ROBO2: variants seen among roughly 807,000 people sequenced by gnomAD.
ROBO2 encodes roundabout guidance receptor 2.
ROBO2 carries 53 observed loss-of-function variants against 160.8 expected under a neutral mutation model. The ratio of observed to expected loss-of-function variants is 0.33; its 90% CI spans 0.26 to 0.41. ROBO2 has a LOEUF of 0.41. ROBO2 is among the 10% of genes least tolerant of loss of function. ROBO2 has a pLI of 1.00. For synonymous variants in ROBO2, 664 were observed against 611.7 expected (o/e 1.09, Z -1.26); for missense variants, 1,577 against 1,722.4 (o/e 0.92, Z 1.49).
chr3:77,608,560 A>G (rs2094568500), intron 21 of ROBO2, among the ~76,000 whole-genome samples: 1 of 152,160 alleles, frequency 6.6e-6, no homozygotes, highest in Non-Finnish European at 1.5e-5. Context: ...ATTCTTTCCC[A>G]AATGTCTCAC....
intron 2 of ROBO2, among the ~76,000 whole-genome samples, chr3:76,950,338 A>G (rs1024783207): frequency 6.6e-6 from 1 of 152,220 alleles, no homozygotes; most frequent in Non-Finnish European, 1.5e-5. Context: ...TTTCTCTAAC[A>G]GAACACGATT....
intron 2 of ROBO2, among the ~76,000 whole-genome samples, chr3:77,432,990 A>C (rs1448166253): frequency 6.6e-6 from 1 of 152,098 alleles, no homozygotes; most frequent in Non-Finnish European, 1.5e-5. Flanking sequence ...TCTCAAGTTC[A>C]CCGCAGAGGT....
At chr3:77,018,013 C>T (rs1302273509) in intron 2 of ROBO2, among the ~76,000 whole-genome samples, 1 of 152,034 alleles carries the variant, frequency 6.6e-6, no homozygotes, top group African/African-American at 2.4e-5. Flanking sequence ...TCCCAAATCT[C>T]GTGATATCGC....
At chr3:76,323,738 C>T (rs1400820980) in intron 2 of ROBO2, among the ~76,000 whole-genome samples, 3 of 152,170 alleles carry the variant, frequency 2.0e-5, no homozygotes, top group Non-Finnish European at 2.9e-5. Flanking sequence ...TGGATTTCCA[C>T]GTGGTGCATT....
intron 5 of ROBO2, among the ~76,000 whole-genome samples, chr3:77,494,121 GT>G (rs1484212018): frequency 2.0e-5 from 3 of 152,086 alleles, no homozygotes; most frequent in Admixed American, 6.6e-5. Flanking sequence ...TAATTCAAGT[GT>G]TTTTTGTTGT....
intron 23 of ROBO2, among the ~76,000 whole-genome samples, chr3:77,627,039 G>A (rs566721183): frequency 1.3e-5 from 2 of 152,188 alleles, no homozygotes; most frequent in South Asian, 2.1e-4. Context: ...TAGTATTAGG[G>A]AAAAGTTCAG....
intron 1 of ROBO2, among the ~76,000 whole-genome samples, chr3:75,924,681 C>CTTTTTTTTTTTTTTTTTT (rs60599175): frequency 1.5e-5 from 1 of 66,018 alleles, no homozygotes; most frequent in Non-Finnish European, 2.5e-5. Context: ...ATTTTCTTTT[C>CTTTTTTTTTTTTTTTTTT]TTTTTTTTTT....
At chr3:77,520,210 C>T (rs1357435035) in intron 5 of ROBO2, among the ~76,000 whole-genome samples, 1 of 151,224 alleles carries the variant, frequency 6.6e-6, no homozygotes, top group Non-Finnish European at 1.5e-5. Flanking sequence ...ACTTATGTGT[C>T]TTACTGTTTT....
chr3:77,231,260 G>A (rs1242234565), intron 2 of ROBO2, among the ~76,000 whole-genome samples: 4 of 151,188 alleles, frequency 2.6e-5, no homozygotes, highest in Non-Finnish European at 5.9e-5. Context: ...CTACTCTGGA[G>A]GCTGAGACAC....
intron 2 of ROBO2, among the ~76,000 whole-genome samples, chr3:77,474,936 A>G (rs2083813332): frequency 1.3e-5 from 2 of 152,176 alleles, no homozygotes; most frequent in African/African-American, 4.8e-5. Context: ...CCCCAGAAAC[A>G]TATAAACAAA....
intron 2 of ROBO2, among the ~76,000 whole-genome samples, chr3:76,401,418 GT>G (rs2077808618): frequency 1.3e-5 from 2 of 151,426 alleles, no homozygotes; most frequent in South Asian, 4.1e-4. Flanking sequence ...CATGACTGAA[GT>G]TTAAAAGGTT....
At chr3:76,766,369 C>T (rs766379846) in intron 2 of ROBO2, among the ~76,000 whole-genome samples, 2 of 151,602 alleles carry the variant, frequency 1.3e-5, no homozygotes, top group Non-Finnish European at 3.0e-5. Context: ...AATCTATGGA[C>T]GTAATGGAGG....
At chr3:76,347,290 A>T (rs553790420) in intron 2 of ROBO2, among the ~76,000 whole-genome samples, 1 of 152,166 alleles carries the variant, frequency 6.6e-6, no homozygotes, top group Non-Finnish European at 1.5e-5. Flanking sequence ...AAGAACAAAC[A>T]GCCAAAAAAC....
chr3:77,614,722 AAACCAACCAACC>A (rs71709284), intron 21 of ROBO2, among the ~76,000 whole-genome samples: 5 of 149,192 alleles, frequency 3.4e-5, no homozygotes, highest in Admixed American at 6.6e-5. Context: ...TTCCCCCAAA[AAACCAACCAACC>A]AACCAACCAA....
chr3:77,269,615 G>GTA (rs1261481071), intron 2 of ROBO2, among the ~76,000 whole-genome samples: 1 of 151,808 alleles, frequency 6.6e-6, no homozygotes, highest in Non-Finnish European at 1.5e-5. Context: ...TTTCCAAGAT[G>GTA]TGTGTGTATC....
intron 2 of ROBO2, among the ~76,000 whole-genome samples, chr3:76,283,893 T>C (rs181513046): frequency 6.6e-6 from 1 of 152,052 alleles, no homozygotes; most frequent in Non-Finnish European, 1.5e-5. Context: ...GAAAATCTTA[T>C]GAAGAGGTTC....
chr3:76,348,430 G>A (rs1393404118), intron 2 of ROBO2, among the ~76,000 whole-genome samples: 1 of 152,126 alleles, frequency 6.6e-6, no homozygotes, highest in Non-Finnish European at 1.5e-5. Context: ...AGGTTAAAGT[G>A]CAGAAATTGG....
Position 77,466,317 on chromosome 3 carries a change from A to C in ROBO2, c.389-11097A>C, listed in dbSNP as rs2082756032. On this transcript the variant is annotated intron_variant, in intron 2 of 25. Transcript: ENST00000461745. ...ACATATCAAATTTTAATATTGGAAG[A>C]CTAAGGCTAAAAAATCCACAAGCAT... 2.6e-5 allele frequency among the ~76,000 whole-genome samples: 4 copies of C among 152,140 alleles called. No homozygotes were observed. The South Asian group carries it at 8.3e-4, about 32-fold the overall frequency.
intron 2 of ROBO2, among the ~76,000 whole-genome samples, chr3:77,288,716 G>A (rs1301118321): frequency 2.6e-5 from 4 of 151,886 alleles, no homozygotes; most frequent in African/African-American, 4.8e-5. Context: ...GTGTTACAAC[G>A]GATCTACAAT....
Sources: gnomAD v4.1 joint callset for allele counts (sites outside exome capture counted in the v4.1 genomes callset) on GRCh38, gnomAD v4.1.1 for gene constraint, MANE v1.5 for transcripts, NCBI Gene and HGNC (gene_info 2026-07-23, HGNC 2026-07-21) for gene names.